Variants in GLS observed in about 807,000 individuals in gnomAD.
GLS encodes glutaminase kidney isoform, mitochondrial.
Under a neutral mutation model 86.7 loss-of-function variants are expected in GLS, and 36 were observed. That is an observed-to-expected ratio of 0.42 (90% CI 0.32 to 0.55). GLS has a LOEUF of 0.55. Among genes scored for constraint, GLS ranks in the 20% least tolerant of loss-of-function variants. The pLI, the probability that GLS is intolerant of heterozygous loss-of-function variation, is 0.17. For synonymous variants in GLS, 317 were observed against 305.9 expected (o/e 1.04, Z -0.38); for missense variants, 528 against 833.4 (o/e 0.63, Z 4.51).
intron 14 of GLS, among the ~76,000 whole-genome samples, chr2:190,945,664 CAAAAA>C (rs1195607642): frequency 9.1e-6 from 1 of 109,462 alleles, no homozygotes; most frequent in Non-Finnish European, 1.9e-5. Context: ...GAGCCTGTCT[CAAAAA>C]AAAAAAAGAA....
chr2:190,963,151 G>A lies in GLS; in HGVS notation c.*165G>A, dbSNP rs1024867216. ...CACACAGGACAAATCTGATCTCTTTGGGAAAAAATAGAAATAAAACAATCT... is the reference window on the plus strand; with the variant it reads ...CACACAGGACAAATCTGATCTCTTTAGGAAAAAATAGAAATAAAACAATCT... On this transcript the variant is annotated 3_prime_UTR_variant, in exon 18 of 18. Coordinates refer to ENST00000320717, the MANE Select transcript of GLS (RefSeq NM_014905.5). The A allele has an allele frequency of 1.9e-5, 9 of 485,630 alleles. No homozygotes were observed. Among genetic ancestry groups the A allele is most frequent in the African/African-American group, 1.6e-4 (8 of 50,236 alleles). 30.1% of individuals were successfully genotyped at this position (485,630 alleles called of 1,614,324 possible).
At position 190,913,372 on chromosome 2, in the gene GLS, C is replaced by A; in HGVS notation, c.1038+3051C>A. 9.9e-7 allele frequency: 1 copy of A among 1,011,266 alleles called. No homozygotes were observed. The allele number at this position is 1,011,266 out of a possible 1,614,324, so 62.6% of individuals were successfully genotyped here. ...TTAAACAAAGCTATATAGGTAAATA[C>A]CTTTTTAAAAACAAATGTAATTTTA... On this transcript the variant is annotated intron_variant, in intron 7 of 17. Coordinates refer to ENST00000320717, the MANE Select transcript of GLS (RefSeq NM_014905.5). This position sits in a 1 kb window ranked among gnomAD's most constrained non-coding sequence, Gnocchi z 6.1.
intron 14 of GLS, among the ~76,000 whole-genome samples, chr2:190,945,552 C>A (rs916524825): frequency 1.1e-4 from 16 of 151,728 alleles, no homozygotes; most frequent in African/African-American, 3.9e-4. Flanking sequence ...GTGGTCCCAG[C>A]TGTTCAGGAG....
intron 7 of GLS, among the ~76,000 whole-genome samples, chr2:190,916,428 T>G (rs1689538032): frequency 6.6e-6 from 1 of 152,168 alleles, no homozygotes; most frequent in Non-Finnish European, 1.5e-5. Context: ...TTTACTCTCT[T>G]TTGTATATGT....
rs937926174 is a variant in GLS, at chr2:190,921,809, C to T, written c.1130+606C>T. On this transcript the variant is annotated intron_variant, in intron 9 of 17. Coordinates refer to ENST00000320717, the MANE Select transcript of GLS (RefSeq NM_014905.5). This position sits in a 1 kb window ranked among gnomAD's most constrained non-coding sequence, Gnocchi z 4.2. Reference sequence around the variant, plus strand: ...CCATTAACACATGTAAGAACGTTAACGTTAATTTTAAAATATCATGACATT... The same window carrying T: ...CCATTAACACATGTAAGAACGTTAATGTTAATTTTAAAATATCATGACATT... Among the ~76,000 whole-genome samples, 8 of 151,940 alleles carry T rather than the reference C, an allele frequency of 5.3e-5. No homozygotes were observed. The highest frequency in any genetic ancestry group is 1.4e-4 in the African/African-American group (6 of 41,406).
chr2:190,898,033 C>A (rs1688806712), intron 3 of GLS, among the ~76,000 whole-genome samples: 1 of 152,126 alleles, frequency 6.6e-6, no homozygotes, highest in Non-Finnish European at 1.5e-5. Context: ...AACACTAATA[C>A]AAGTAAAAAT....
At position 190,880,838 on chromosome 2, in the gene GLS, G is replaced by A. The variant is rs999312755; in HGVS notation, c.-247G>A. 3.9e-6 allele frequency: 3 copies of A among 769,950 alleles called. No homozygotes were observed. Among genetic ancestry groups the A allele is most frequent in the Non-Finnish European group, 6.5e-6 (3 of 462,816 alleles). 47.7% of individuals were successfully genotyped at this position (769,950 alleles called of 1,614,324 possible). A position where few individuals can be genotyped will look rare whatever the true frequency, so the allele number is the denominator to read the frequency against. Reference sequence around the variant, plus strand: ...TTAGCCTCAGTGCGGAGCCTTAGGCGGAGCGAAGAGAACCGGTCGCGGCAA... The same window carrying A: ...TTAGCCTCAGTGCGGAGCCTTAGGCAGAGCGAAGAGAACCGGTCGCGGCAA... On this transcript the variant is annotated 5_prime_UTR_variant, in exon 1 of 18. Coordinates refer to ENST00000320717, the MANE Select transcript of GLS (RefSeq NM_014905.5).
At chr2:190,915,301 A>G (rs1033501863) in intron 7 of GLS, among the ~76,000 whole-genome samples, 1 of 151,880 alleles carries the variant, frequency 6.6e-6, no homozygotes, top group Non-Finnish European at 1.5e-5. Context: ...CGCCCGGCCT[A>G]AATTTGTATA....
chr2:190,888,370 G>A (rs567556321), intron 1 of GLS, among the ~76,000 whole-genome samples: 1 of 152,220 alleles, frequency 6.6e-6, no homozygotes, highest in South Asian at 2.1e-4. Flanking sequence ...CCTAGTAAAT[G>A]TTACATATTT....
At chr2:190,896,451 T>G (rs943760231) in intron 3 of GLS, 1 of 152,234 alleles carries the variant, frequency 6.6e-6, no homozygotes, top group Non-Finnish European at 1.5e-5. Context: ...GAAACTAGTA[T>G]AAAACTGTAA....
At position 190,927,864 on chromosome 2, in the gene GLS, A is replaced by G. The variant is rs190733593; in HGVS notation, c.1425+382A>G. On this transcript the variant is annotated intron_variant, in intron 12 of 17. Coordinates refer to ENST00000320717, the MANE Select transcript of GLS (RefSeq NM_014905.5). ...CTTTGGTTACGGCCATAGCTGTTTT[A>G]AGGACTAAAAGTGTATTAAAGTTAA... 155 of 159,546 alleles carry G rather than the reference A, an allele frequency of 9.7e-4. 3 individuals are homozygous for G. Among genetic ancestry groups the G allele is most frequent in the African/African-American group, 3.6e-3 (151 of 41,644 alleles). 9.9% of individuals were successfully genotyped at this position (159,546 alleles called of 1,614,324 possible). A position where few individuals can be genotyped will look rare whatever the true frequency, so the allele number is the denominator to read the frequency against.
In GLS at chr2:190,923,774, A is replaced by G. The variant is rs187161257; in HGVS notation, c.1131-143A>G. On this transcript the variant is annotated intron_variant, in intron 9 of 17. Coordinates refer to ENST00000320717, the MANE Select transcript of GLS (RefSeq NM_014905.5). Reference sequence around the variant, plus strand: ...TTGTCCAAAGTCACACAAATAGCCTATTGACAGAATTGATTGGAACTCTGT... The same window carrying G: ...TTGTCCAAAGTCACACAAATAGCCTGTTGACAGAATTGATTGGAACTCTGT... 218 of 583,116 alleles carry G rather than the reference A, an allele frequency of 3.7e-4. 4 individuals carry two copies. The East Asian group carries it at 5.7e-3, about 15-fold the overall frequency. 36.1% of individuals were successfully genotyped at this position (583,116 alleles called of 1,614,324 possible). A position where few individuals can be genotyped will look rare whatever the true frequency, so the allele number is the denominator to read the frequency against.
chr2:190,934,760 G>T (rs1690217431), intron 14 of GLS: 1 of 974,116 alleles, frequency 1.0e-6, no homozygotes. Context: ...TTTTGTGTTG[G>T]TAATGCTTTA....
rs570705386 is a variant in GLS at position 190,953,515 on chromosome 2, G to A, written c.1651-50G>A. The A allele has an allele frequency of 2.4e-5, 27 of 1,145,544 alleles. No individual in the cohort carries two copies. Among genetic ancestry groups the A allele is most frequent in the African/African-American group, 6.0e-5 (4 of 66,230 alleles). The allele number at this position is 1,145,544 out of a possible 1,614,324, so 71.0% of individuals were successfully genotyped here. A position where few individuals can be genotyped will look rare whatever the true frequency, so the allele number is the denominator to read the frequency against. ...CACTTGCCAGTGACAGGTGGACGTT[G>A]TATGTGTTTTCTCTCTCCTAAGGAT... On this transcript the variant is annotated intron_variant, in intron 14 of 17. Coordinates refer to ENST00000320717, the MANE Select transcript of GLS (RefSeq NM_014905.5). This position sits in a 1 kb window ranked among gnomAD's most constrained non-coding sequence, Gnocchi z 4.0.
Position 190,962,731 on chromosome 2 carries a change from T to G in GLS, c.1854-99T>G, listed in dbSNP as rs946193095. On this transcript the variant is annotated intron_variant, in intron 17 of 17. Coordinates refer to ENST00000320717, the MANE Select transcript of GLS (RefSeq NM_014905.5). This position sits in a 1 kb window ranked among gnomAD's most constrained non-coding sequence, Gnocchi z 4.2. ...TGTAAAATTGCTAAAATAGCTAAAT[T>G]TGGCCATTTAACCTGCATTTAAAAT... 19 of 640,626 alleles carry G rather than the reference T, an allele frequency of 3.0e-5. No individual in the cohort carries two copies. The Admixed American group carries it at 5.3e-4, about 18-fold the overall frequency. The allele number at this position is 640,626 out of a possible 1,614,324, so 39.7% of individuals were successfully genotyped here.
intron 14 of GLS, among the ~76,000 whole-genome samples, chr2:190,952,210 G>A: frequency 6.6e-6 from 1 of 152,126 alleles, no homozygotes; most frequent in East Asian, 1.9e-4. Context: ...TAAGAAAACT[G>A]TTCTGGACTC....
intron 14 of GLS, among the ~76,000 whole-genome samples, chr2:190,950,561 G>C (rs1479267106): frequency 6.6e-6 from 1 of 152,210 alleles, no homozygotes; most frequent in African/African-American, 2.4e-5. Context: ...ATTAGAAAAA[G>C]CTAATTCTGT....
intron 1 of GLS, among the ~76,000 whole-genome samples, chr2:190,894,050 T>TA (rs1574565157): frequency 6.6e-6 from 1 of 152,174 alleles, no homozygotes; most frequent in Non-Finnish European, 1.5e-5. Flanking sequence ...ATTTTAGTGT[T>TA]ACACTAGTTT....
At chr2:190,940,350 A>T (rs1690390241) in intron 14 of GLS, among the ~76,000 whole-genome samples, 1 of 152,036 alleles carries the variant, frequency 6.6e-6, no homozygotes. Flanking sequence ...AGTACAAGTG[A>T]TTTTGTTAAC....
Sources: allele counts gnomAD v4.1 joint callset (sites outside exome capture counted in the v4.1 genomes callset), GRCh38; gene constraint gnomAD v4.1.1; non-coding constraint Gnocchi (gnomAD v3.1); transcripts MANE v1.5; gene names NCBI Gene and HGNC (gene_info 2026-07-23, HGNC 2026-07-21).